SV2B: variants seen among roughly 807,000 people sequenced by gnomAD.
SV2B encodes synaptic vesicle glycoprotein 2B, also known as solute carrier family 22 member B2.
SV2B carries 41 observed loss-of-function variants against 73.9 expected under a neutral mutation model. The observed-to-expected ratio is 0.56, with a 90% CI of 0.43 to 0.72. The LOEUF is 0.72. SV2B is among the 30% of genes least tolerant of loss of function. The probability of loss-of-function intolerance (pLI) is 0.00; values close to 1 mark genes in which losing one functional copy is unlikely to be tolerated. For missense variants in SV2B, 764 were observed against 857.8 expected, an observed-to-expected ratio of 0.89 and a Z score of 1.37; for synonymous variants, 314 against 314.2, an observed-to-expected ratio of 1.00 and a Z score of 0.01.
At chr15:91,203,402 C>A (rs1320118311) in intron 1 of SV2B, among the ~76,000 whole-genome samples, 1 of 152,228 alleles carries the variant, frequency 6.6e-6, no homozygotes, top group Admixed American at 6.5e-5. Context: ...TCCCTCTCCA[C>A]CTGGAATCCT....
Position 91,280,233 on chromosome 15 carries a change from G to C in SV2B, c.1374-1495G>C, listed in dbSNP as rs1437046077. ...TTAAGGTTCTGAGCAGGACATGATAGAGCATGAAGGATAAGGGTCACTGGC... is the reference window on the plus strand; with the variant it reads ...TTAAGGTTCTGAGCAGGACATGATACAGCATGAAGGATAAGGGTCACTGGC... On this transcript the variant is annotated intron_variant, in intron 9 of 12. Coordinates refer to ENST00000394232, the MANE Select transcript of SV2B (RefSeq NM_001323032.3). The surrounding 1 kb of genome is among the most constrained non-coding windows in gnomAD (Gnocchi z 5.8). Among the ~76,000 whole-genome samples, 3 of 152,226 alleles carry C rather than the reference G, an allele frequency of 2.0e-5. No individual in the cohort carries two copies. The highest frequency in any genetic ancestry group is 4.4e-5 in the Non-Finnish European group (3 of 68,038).
chr15:91,237,281 T>C (rs1446347359), intron 2 of SV2B, among the ~76,000 whole-genome samples: 3 of 152,170 alleles, frequency 2.0e-5, no homozygotes, highest in Admixed American at 6.5e-5. Context: ...TTCCATGTTC[T>C]GAGGGGCCGT....
At chr15:91,188,265 C>A (rs993217460) in intron 1 of SV2B, among the ~76,000 whole-genome samples, 1 of 151,348 alleles carries the variant, frequency 6.6e-6, no homozygotes, top group African/African-American at 2.4e-5. Flanking sequence ...ACTTGGAAGA[C>A]AAAAGAATGT....
chr15:91,202,164 C>G (rs939342652), intron 1 of SV2B, among the ~76,000 whole-genome samples: 3 of 152,190 alleles, frequency 2.0e-5, no homozygotes, highest in African/African-American at 7.2e-5. Flanking sequence ...CGCCTCTGGT[C>G]TTCCCTAACC....
intron 1 of SV2B, among the ~76,000 whole-genome samples, chr15:91,221,200 A>G (rs1256811687): frequency 6.6e-6 from 1 of 152,196 alleles, no homozygotes; most frequent in Non-Finnish European, 1.5e-5. Context: ...AATAGCTATT[A>G]GATCGGATTT....
chr15:91,151,846 A>T (rs2043321640), intron 1 of SV2B, among the ~76,000 whole-genome samples: 1 of 152,156 alleles, frequency 6.6e-6, no homozygotes, highest in Non-Finnish European at 1.5e-5. Flanking sequence ...TACTCATACA[A>T]TTTCCAACAG....
chr15:91,131,147 G>GTTTT (rs56130189), intron 1 of SV2B, among the ~76,000 whole-genome samples: 1,699 of 117,980 alleles, frequency 0.014, 42 homozygotes, highest in African/African-American at 0.047. Flanking sequence ...ATGTTTTCTT[G>GTTTT]TTTTTTTTTT....
rs1357398061 is a variant in SV2B at position 91,241,210 on chromosome 15, C to A, written c.452-10609C>A. Among the ~76,000 whole-genome samples the A allele has an allele frequency of 6.6e-6, 1 of 152,208 alleles. No individual in the cohort carries two copies. The highest frequency in any genetic ancestry group is 1.5e-5 in the Non-Finnish European group (1 of 68,038). ...ACCTCTTATTACCCCCTTGTTCTCACCACATTCCTCACTGAGCTTAATGTC... is the reference window on the plus strand; with the variant it reads ...ACCTCTTATTACCCCCTTGTTCTCAACACATTCCTCACTGAGCTTAATGTC... On this transcript the variant is annotated intron_variant, in intron 2 of 12. Coordinates refer to ENST00000394232, the MANE Select transcript of SV2B (RefSeq NM_001323032.3). This position sits in a 1 kb window ranked among gnomAD's most constrained non-coding sequence, Gnocchi z 4.8.
intron 1 of SV2B, among the ~76,000 whole-genome samples, chr15:91,157,507 C>G (rs1198997469): frequency 6.6e-6 from 1 of 152,188 alleles, no homozygotes; most frequent in East Asian, 1.9e-4. Flanking sequence ...CTTTGTGATG[C>G]TCTCTCGATA....
chr15:91,148,007 G>A (rs1480555324), intron 1 of SV2B, among the ~76,000 whole-genome samples: 1 of 100,490 alleles, frequency 1.0e-5, no homozygotes, highest in Non-Finnish European at 1.8e-5. Flanking sequence ...TTGAGATGGA[G>A]TCTTGCTCTG....
rs1228745606 is a variant in SV2B at position 91,136,126 on chromosome 15, A to G, written c.-392+35763A>G. The stretch of plus-strand genomic sequence containing the variant: ...GTGTACTTTACCACCTTCACAAAGT[A>G]CTGCCTTCACAGACTCCTAGGGATC... On this transcript the variant is annotated intron_variant, in intron 1 of 12. Transcript: ENST00000394232. This position sits in a 1 kb window ranked among gnomAD's most constrained non-coding sequence, Gnocchi z 5.6. Among the ~76,000 whole-genome samples the G allele has an allele frequency of 2.0e-5, 3 of 152,252 alleles. No homozygotes were observed. Among genetic ancestry groups the G allele is most frequent in the Non-Finnish European group, 4.4e-5 (3 of 68,046 alleles).
Position 91,292,503 on chromosome 15 carries a change from G to A in SV2B, c.2003G>A (p.Gly668Asp), listed in dbSNP as rs1332074964. 1 of 1,614,106 alleles carries A rather than the reference G, an allele frequency of 6.2e-7. No homozygotes were observed. Among genetic ancestry groups the A allele is most frequent in the South Asian group, 1.1e-5 (1 of 91,078 alleles). Residue 668 changes from glycine (G) to aspartate (D), a missense_variant, in exon 13 of 13, where the codon GGC (glycine) becomes GAC (aspartate). Coordinates refer to ENST00000394232, the MANE Select transcript of SV2B (RefSeq NM_001323032.3). ...GCTGCTGCTTCTCTGGTTGGGGGTG[G>A]CCTGATTGCCCTTCGACTGCCAGAG... ...LLAAASLVGG[G>D]LIALRLPETR... is the part of the protein sequence containing the mutation.
Position 91,174,292 on chromosome 15 carries a change from G to T in SV2B, c.-391-51581G>T, listed in dbSNP as rs138071570. ...CAGCTTCACTCTCTTTGTGGATTTAGACAAAATTACTTAAGTTCTTTGTGC... is the reference window on the plus strand; with the variant it reads ...CAGCTTCACTCTCTTTGTGGATTTATACAAAATTACTTAAGTTCTTTGTGC... On this transcript the variant is annotated intron_variant, in intron 1 of 12. Transcript: ENST00000394232. Among the ~76,000 whole-genome samples, 832 of 152,342 alleles carry T rather than the reference G, an allele frequency of 5.5e-3. 18 individuals are homozygous for T. The South Asian group carries it at 0.056, about 10-fold the overall frequency.
Position 91,131,692 on chromosome 15 carries a change from G to A in SV2B, c.-392+31329G>A, listed in dbSNP as rs1224522279. Among the ~76,000 whole-genome samples, 4 of 152,296 alleles carry A rather than the reference G, an allele frequency of 2.6e-5. No individual in the cohort carries two copies. The East Asian group carries it at 7.7e-4, about 29-fold the overall frequency. ...AAAAACAAAAAAGTGGCTGAGTGTG[G>A]TGGCTCATGCCTGTAATGCCAGCAC... On this transcript the variant is annotated intron_variant, in intron 1 of 12. Coordinates refer to ENST00000394232, the MANE Select transcript of SV2B (RefSeq NM_001323032.3).
At chr15:91,190,279 G>A (rs2044958009) in intron 1 of SV2B, among the ~76,000 whole-genome samples, 1 of 151,838 alleles carries the variant, frequency 6.6e-6, no homozygotes, top group South Asian at 2.1e-4. Flanking sequence ...ATCTATGTAA[G>A]TGGTCATATC....
chr15:91,176,846 T>C (rs375565265), intron 1 of SV2B, among the ~76,000 whole-genome samples: 3 of 152,012 alleles, frequency 2.0e-5, no homozygotes, highest in Middle Eastern at 3.4e-3. Context: ...TAGGTTGCCT[T>C]TTCACTCTGA....
intron 2 of SV2B, among the ~76,000 whole-genome samples, chr15:91,249,105 CACAT>C (rs10593882): frequency 0.017 from 2,172 of 125,982 alleles, 32 homozygotes; most frequent in African/African-American, 0.044. Context: ...CACACACACA[CACAT>C]GTTTATGATC....
chr15:91,168,377 C>T (rs557088636), intron 1 of SV2B, among the ~76,000 whole-genome samples: 1 of 150,786 alleles, frequency 6.6e-6, no homozygotes, highest in African/African-American at 2.4e-5. Flanking sequence ...GCCAATTTCT[C>T]TGGCCAATGA....
chr15:91,207,554 T>C (rs2045690166), intron 1 of SV2B, among the ~76,000 whole-genome samples: 1 of 152,198 alleles, frequency 6.6e-6, no homozygotes, highest in African/African-American at 2.4e-5. Context: ...CCAAGTCTGT[T>C]TGGTCAGCTT....
Sources: allele counts gnomAD v4.1 joint callset (sites outside exome capture counted in the v4.1 genomes callset), GRCh38; gene constraint gnomAD v4.1.1; non-coding constraint Gnocchi (gnomAD v3.1); transcripts MANE v1.5; gene names NCBI Gene and HGNC (gene_info 2026-07-23, HGNC 2026-07-21).